The following CCBE1 variants were observed in gnomAD, a reference collection of about 807,000 sequenced individuals.
The protein encoded by CCBE1 is collagen and calcium binding EGF domains 1.
Under a neutral mutation model 50.0 loss-of-function variants are expected in CCBE1, and 37 were observed. The observed-to-expected ratio is 0.74, with a 90% confidence interval of 0.57 to 0.97. The LOEUF (loss-of-function observed/expected upper bound fraction) is 0.97. Ranked by LOEUF, CCBE1 falls within the 50% of genes least tolerant of loss-of-function variation. CCBE1 has a pLI of 0.00. For missense variants in CCBE1, 538 were observed against 523.8 expected (o/e 1.03, Z -0.26); for synonymous variants, 234 against 203.7 (o/e 1.15, Z -1.27).
At chr18:59,512,937 G>A (rs575800545) in intron 2 of CCBE1, among the ~76,000 whole-genome samples, 2 of 152,252 alleles carry the variant, frequency 1.3e-5, no homozygotes, top group South Asian at 2.1e-4. Flanking sequence ...GCACCTCTAC[G>A]ACAGGAGGGA....
At chr18:59,473,599 C>A (rs997691029) in intron 3 of CCBE1, among the ~76,000 whole-genome samples, 1 of 151,166 alleles carries the variant, frequency 6.6e-6, no homozygotes, top group Non-Finnish European at 1.5e-5. Context: ...TTGTTAATTT[C>A]TTTGATCTCT....
intron 2 of CCBE1, among the ~76,000 whole-genome samples, chr18:59,639,518 C>T (rs1359572481): frequency 1.3e-5 from 2 of 152,200 alleles, no homozygotes; most frequent in Non-Finnish European, 2.9e-5. Context: ...CCATCTATGA[C>T]AAACCCATAG....
chr18:59,669,164 T>C (rs1313183852), intron 2 of CCBE1, among the ~76,000 whole-genome samples: 6 of 152,086 alleles, frequency 3.9e-5, no homozygotes, highest in Admixed American at 6.6e-5. Context: ...AGATGAAGTA[T>C]TGCCTTTTTA....
At chr18:59,537,455 C>G (rs188995120) in intron 2 of CCBE1, among the ~76,000 whole-genome samples, 1 of 152,268 alleles carries the variant, frequency 6.6e-6, no homozygotes, top group Admixed American at 6.5e-5. Flanking sequence ...GAATAAGTCT[C>G]ATGAGACCTG....
intron 4 of CCBE1, among the ~76,000 whole-genome samples, chr18:59,468,837 GTTT>G (rs57118468): frequency 2.4e-3 from 294 of 124,076 alleles, no homozygotes; most frequent in African/African-American, 7.8e-3. Flanking sequence ...AAAAGGCCAG[GTTT>G]TTTTTTTTTT....
At chr18:59,494,137 C>G (rs1163918482) in intron 2 of CCBE1, among the ~76,000 whole-genome samples, 1 of 152,204 alleles carries the variant, frequency 6.6e-6, no homozygotes, top group Non-Finnish European at 1.5e-5. Flanking sequence ...AGCTTCGTAA[C>G]AGAAGTGTAA....
At chr18:59,581,473 G>A (rs28689035) in intron 2 of CCBE1, among the ~76,000 whole-genome samples, 2,677 of 150,138 alleles carry the variant, frequency 0.018, 63 homozygotes, top group African/African-American at 0.062. Context: ...AACAGATATT[G>A]GATACCAGGA....
chr18:59,618,840 GTTTT>G (rs5825352), intron 2 of CCBE1, among the ~76,000 whole-genome samples: 2 of 151,376 alleles, frequency 1.3e-5, no homozygotes, highest in Non-Finnish European at 2.9e-5. Context: ...AAACTACCCA[GTTTT>G]TTTTTAATAA....
chr18:59,667,697 CCCA>C (rs2054375132), intron 2 of CCBE1, among the ~76,000 whole-genome samples: 1 of 152,162 alleles, frequency 6.6e-6, no homozygotes, highest in Non-Finnish European at 1.5e-5. Context: ...ACTGGCTGTA[CCCA>C]ACAGAAAGCC....
rs761498021 is a variant in CCBE1, at chr18:59,439,724, G to A, written c.868C>T (p.Pro290Ser). The change falls in exon 8 of 11, where the codon CCA becomes TCA. Residue 290 changes from proline (P) to serine (S), a missense_variant. Pro to Ser is a moderately conservative substitution (Grantham distance 74). Coordinates refer to ENST00000439986, the MANE Select transcript of CCBE1 (RefSeq NM_133459.4). ...GPRGSMGPMG[P>S]SPDLSHIKQG... ...TTAATGTGGGACAGATCAGGAGATGGTCCCATGGGTCCCATTGAGCCCCGT... is the reference window on the plus strand; with the variant it reads ...TTAATGTGGGACAGATCAGGAGATGATCCCATGGGTCCCATTGAGCCCCGT... The A allele has an allele frequency of 6.2e-7, 1 of 1,614,250 alleles. No homozygotes were observed. The highest frequency in any genetic ancestry group is 8.5e-7 in the Non-Finnish European group (1 of 1,180,038).
Position 59,580,614 on chromosome 18 carries a change from G to C in CCBE1, c.213-100376C>G, listed in dbSNP as rs376405454. ...AATCTAGTTCAACATTCTTATCTGT[G>C]ATATCAGGCAAGGGAGTCCCCAAAA... On this transcript the variant is annotated intron_variant, in intron 2 of 10. Coordinates refer to ENST00000439986, the MANE Select transcript of CCBE1 (RefSeq NM_133459.4). Among the ~76,000 whole-genome samples, 125 of 152,302 alleles carry C rather than the reference G, an allele frequency of 8.2e-4. 1 individual carries two copies. The highest frequency in any genetic ancestry group is 3.0e-3 in the African/African-American group (123 of 41,566).
intron 2 of CCBE1, among the ~76,000 whole-genome samples, chr18:59,545,163 C>A (rs1915631238): frequency 6.6e-6 from 1 of 152,180 alleles, no homozygotes; most frequent in African/African-American, 2.4e-5. Context: ...TATCCACGGA[C>A]CTTCCTGGAC....
chr18:59,629,707 C>T (rs1047603186), intron 2 of CCBE1, among the ~76,000 whole-genome samples: 2 of 152,198 alleles, frequency 1.3e-5, no homozygotes, highest in African/African-American at 4.8e-5. Context: ...CTCGAGTAGT[C>T]TCCGAGAGCC....
intron 2 of CCBE1, among the ~76,000 whole-genome samples, chr18:59,662,847 G>A (rs2054303195): frequency 6.6e-6 from 1 of 152,186 alleles, no homozygotes; most frequent in African/African-American, 2.4e-5. Context: ...GTTTCTTGGT[G>A]TACACCTGTA....
At chr18:59,676,920 AAG>A (rs1015015784) in intron 2 of CCBE1, among the ~76,000 whole-genome samples, 4 of 152,210 alleles carry the variant, frequency 2.6e-5, no homozygotes, top group Admixed American at 6.5e-5. Flanking sequence ...TGAGACAGGA[AAG>A]AGTCTTAAAG....
intron 2 of CCBE1, among the ~76,000 whole-genome samples, chr18:59,624,762 G>T (rs761265956): frequency 2.2e-4 from 33 of 152,188 alleles, no homozygotes; most frequent in Non-Finnish European, 4.3e-4. Flanking sequence ...TGGTGACATT[G>T]GCTAGGTAAG....
chr18:59,461,227 G>A (rs1911456735), intron 5 of CCBE1, among the ~76,000 whole-genome samples: 1 of 151,436 alleles, frequency 6.6e-6, no homozygotes, highest in Non-Finnish European at 1.5e-5. Context: ...CTGCATCACA[G>A]CTGTTAAAGA....
intron 2 of CCBE1, among the ~76,000 whole-genome samples, chr18:59,498,938 C>T (rs1017087903): frequency 3.3e-5 from 5 of 152,158 alleles, no homozygotes; most frequent in African/African-American, 7.2e-5. Flanking sequence ...AAGTGGCTCT[C>T]GGAATTTGGA....
chr18:59,680,091 C>T (rs939644867), intron 2 of CCBE1, among the ~76,000 whole-genome samples: 1 of 151,936 alleles, frequency 6.6e-6, no homozygotes, highest in African/African-American at 2.4e-5. Context: ...CATGGTGGCG[C>T]ATGCCTGTAA....
Sources: gnomAD v4.1 joint callset for allele counts (sites outside exome capture counted in the v4.1 genomes callset) on GRCh38, gnomAD v4.1.1 for gene constraint, MANE v1.5 for transcripts, NCBI Gene and HGNC (gene_info 2026-07-23, HGNC 2026-07-21) for gene names.